Variants in MGAT4C observed in about 807,000 individuals in gnomAD.
MGAT4C encodes MGAT4 family member C, also known as alpha-1,3-mannosyl-glycoprotein 4-beta-N-acetylglucosaminyltransferase C.
In MGAT4C, 19 loss-of-function variants were observed where a neutral mutation model predicts 40.1. That is an observed-to-expected ratio of 0.47 (90% confidence interval 0.33 to 0.70). The LOEUF (loss-of-function observed/expected upper bound fraction) is 0.70, where lower values mean the gene tolerates loss of function less well. Ranked by LOEUF, MGAT4C falls within the 30% of genes least tolerant of loss-of-function variation. The probability of loss-of-function intolerance (pLI) is 0.02; values close to 1 mark genes in which losing one functional copy is unlikely to be tolerated. For synonymous variants in MGAT4C, 181 were observed against 187.1 expected (o/e 0.97, Z 0.27); for missense variants, 491 against 563.2 (o/e 0.87, Z 1.30).
At chr12:86,542,218 C>A (rs1443302897) in intron 2 of MGAT4C, among the ~76,000 whole-genome samples, 1 of 152,102 alleles carries the variant, frequency 6.6e-6, no homozygotes, top group Non-Finnish European at 1.5e-5. Flanking sequence ...CTAAGACATG[C>A]TAAAGATTGA....
intron 4 of MGAT4C, among the ~76,000 whole-genome samples, chr12:86,267,897 A>T (rs1592620497): frequency 1.3e-5 from 2 of 152,142 alleles, no homozygotes; most frequent in South Asian, 4.1e-4. Flanking sequence ...GCAATTCCTG[A>T]GTAACTCTAA....
At chr12:86,819,019 T>A (rs1192338184) in intron 1 of MGAT4C, among the ~76,000 whole-genome samples, 3 of 151,038 alleles carry the variant, frequency 2.0e-5, no homozygotes, top group Non-Finnish European at 4.5e-5. Context: ...ATCTCACACA[T>A]TCCTGGTGCA....
At position 86,223,710 on chromosome 12, in the gene MGAT4C, G is replaced by A. The variant is rs895074453; in HGVS notation, c.-57+32529C>T. Among the ~76,000 whole-genome samples, 4 of 152,208 alleles carry A rather than the reference G, an allele frequency of 2.6e-5. 1 individual carries two copies. In the South Asian group the frequency reaches 6.2e-4, roughly 24 times the overall value. ...TGTAATGATGTTTTCACCATCCAGGGGCCTAGAAGTTGTCCAGCCCATTCT... is the reference window on the plus strand; with the variant it reads ...TGTAATGATGTTTTCACCATCCAGGAGCCTAGAAGTTGTCCAGCCCATTCT... On this transcript the variant is annotated intron_variant, in intron 1 of 4. Coordinates refer to ENST00000611864, the MANE Select transcript of MGAT4C (RefSeq NM_001351288.2).
At position 86,679,715 on chromosome 12, in the gene MGAT4C, A is replaced by G. The variant is rs1042651900; in HGVS notation, c.-229+47494T>C. 2.0e-5 allele frequency among the ~76,000 whole-genome samples: 3 copies of G among 152,082 alleles called. No homozygotes were observed. The East Asian group carries it at 5.8e-4, about 29-fold the overall frequency. On this transcript the variant is annotated intron_variant, in intron 2 of 7. Coordinates refer to the MGAT4C transcript ENST00000548651. ...CCATGTGAGGACACAGCAAAAAGCT[A>G]CTTTTCTGTTATATAAACCAAGAAG...
chr12:86,609,296 A>T (rs1006031856), intron 2 of MGAT4C, among the ~76,000 whole-genome samples: 2 of 152,088 alleles, frequency 1.3e-5, no homozygotes, highest in African/African-American at 4.8e-5. Flanking sequence ...CGTGAAGACC[A>T]TGACAGGGGG....
At position 86,263,172 on chromosome 12, in the gene MGAT4C, A is replaced by T. The variant is rs1389779874; in HGVS notation, c.-57+70893T>A. On this transcript the variant is annotated intron_variant, in intron 4 of 7. Coordinates refer to the MGAT4C transcript ENST00000548651. ...GGTCTAGATTGGAAGAGCCAAACAA[A>T]TATTCTAAATTTTTATTTGTGTAAA... 2.0e-5 allele frequency among the ~76,000 whole-genome samples: 3 copies of T among 152,122 alleles called. No homozygotes were observed. The East Asian group carries it at 5.8e-4, about 29-fold the overall frequency.
At chr12:86,485,188 T>C (rs903127550) in intron 2 of MGAT4C, among the ~76,000 whole-genome samples, 1 of 152,166 alleles carries the variant, frequency 6.6e-6, no homozygotes, top group Non-Finnish European at 1.5e-5. Flanking sequence ...AGTCAGAGTG[T>C]CCTCTTACTT....
intron 1 of MGAT4C, among the ~76,000 whole-genome samples, chr12:86,217,999 T>G (rs1388281389): frequency 1.3e-5 from 2 of 152,072 alleles, no homozygotes; most frequent in African/African-American, 4.8e-5. Flanking sequence ...AGTATTAATA[T>G]CAAAATTATA....
intron 2 of MGAT4C, among the ~76,000 whole-genome samples, chr12:86,506,474 G>C (rs1039924558): frequency 6.6e-6 from 1 of 152,128 alleles, no homozygotes; most frequent in Non-Finnish European, 1.5e-5. Context: ...AAAAGCAGTA[G>C]ACATTGAATG....
intron 2 of MGAT4C, among the ~76,000 whole-genome samples, chr12:86,720,326 T>C (rs1278617137): frequency 1.3e-5 from 2 of 152,098 alleles, no homozygotes; most frequent in Non-Finnish European, 2.9e-5. Flanking sequence ...CTCAAAGTTA[T>C]GCAATATCAA....
chr12:86,740,790 G>A (rs1016560628), intron 1 of MGAT4C, among the ~76,000 whole-genome samples: 1 of 151,140 alleles, frequency 6.6e-6, no homozygotes, highest in Non-Finnish European at 1.5e-5. Flanking sequence ...ACAAATGCTA[G>A]GGATTTGTTA....
chr12:86,296,888 G>A (rs959462543), intron 4 of MGAT4C, among the ~76,000 whole-genome samples: 2 of 152,242 alleles, frequency 1.3e-5, no homozygotes, highest in Non-Finnish European at 2.9e-5. Flanking sequence ...GCCGAAGTGG[G>A]AGCCCAGGCA....
At chr12:86,154,202 C>T (rs777155952) in intron 1 of MGAT4C, among the ~76,000 whole-genome samples, 3 of 152,054 alleles carry the variant, frequency 2.0e-5, no homozygotes, top group Non-Finnish European at 4.4e-5. Context: ...CCCAGTTCTC[C>T]CCCCACCATT....
At chr12:86,130,407 G>A (rs1489281935) in intron 1 of MGAT4C, among the ~76,000 whole-genome samples, 5 of 151,950 alleles carry the variant, frequency 3.3e-5, no homozygotes, top group African/African-American at 9.7e-5. Context: ...AGCAACATAC[G>A]TTTTGGAATT....
intron 1 of MGAT4C, among the ~76,000 whole-genome samples, chr12:86,227,239 C>G (rs111992217): frequency 6.6e-6 from 1 of 151,196 alleles, no homozygotes; most frequent in Non-Finnish European, 1.5e-5. Flanking sequence ...TTTTACTTTT[C>G]CTCATTTTTA....
At chr12:86,590,674 A>T (rs1961296882) in intron 2 of MGAT4C, among the ~76,000 whole-genome samples, 1 of 152,026 alleles carries the variant, frequency 6.6e-6, no homozygotes, top group Non-Finnish European at 1.5e-5. Flanking sequence ...GCATACAACA[A>T]AATGACATAA....
At chr12:86,475,856 A>G (rs1455999445) in intron 2 of MGAT4C, among the ~76,000 whole-genome samples, 1 of 152,094 alleles carries the variant, frequency 6.6e-6, no homozygotes, top group Non-Finnish European at 1.5e-5. Flanking sequence ...TATCATCATT[A>G]TAATTGCCAT....
chr12:86,219,595 C>A (rs943367064), intron 1 of MGAT4C, among the ~76,000 whole-genome samples: 1 of 152,144 alleles, frequency 6.6e-6, no homozygotes, highest in Non-Finnish European at 1.5e-5. Context: ...TTATTAGTAT[C>A]CCCTTATAGG....
At chr12:86,726,494 G>A (rs1399560987) in intron 2 of MGAT4C, among the ~76,000 whole-genome samples, 1 of 152,090 alleles carries the variant, frequency 6.6e-6, no homozygotes, top group Non-Finnish European at 1.5e-5. Flanking sequence ...TTCACATTAA[G>A]CAAAAATGGT....
Sources: gnomAD v4.1 joint callset for allele counts (sites outside exome capture counted in the v4.1 genomes callset) on GRCh38, gnomAD v4.1.1 for gene constraint, MANE v1.5 for transcripts, NCBI Gene and HGNC (gene_info 2026-07-23, HGNC 2026-07-21) for gene names.